The following LRPAP1 variants were observed in gnomAD, a reference collection of about 807,000 sequenced individuals.
LRPAP1 encodes alpha-2-macroglobulin receptor-associated protein.
Under a neutral mutation model 39.9 loss-of-function variants are expected in LRPAP1, and 41 were observed. That is an observed-to-expected ratio of 1.03 (90% CI 0.80 to 1.33). The LOEUF (loss-of-function observed/expected upper bound fraction) is 1.33, where lower values mean the gene tolerates loss of function less well. Ranked by LOEUF, LRPAP1 falls within the 40% of genes most tolerant of loss-of-function variation. The pLI, the probability that LRPAP1 is intolerant of heterozygous loss-of-function variation, is 0.00. For synonymous variants in LRPAP1, 263 were observed against 212.7 expected, an observed-to-expected ratio of 1.24 and a Z score of -2.06; for missense variants, 565 against 482.3, an observed-to-expected ratio of 1.17 and a Z score of -1.61.
intron 1 of LRPAP1, among the ~76,000 whole-genome samples, chr4:3,529,849 T>C (rs1383133951): frequency 2.0e-5 from 3 of 152,204 alleles, no homozygotes; most frequent in Non-Finnish European, 2.9e-5. Context: ...TGCCAGGATG[T>C]GGCTTTACAT....
chr4:3,520,206 G>A lies in LRPAP1; in HGVS notation c.350-13C>T, dbSNP rs766856955. 1 of 1,611,164 alleles carries A rather than the reference G, an allele frequency of 6.2e-7. No individual in the cohort carries two copies. The highest frequency in any genetic ancestry group is 8.5e-7 in the Non-Finnish European group (1 of 1,178,044). ...TTGGCCAAGATGACTAGGAGAGAGG[G>A]GAGGTTCTATTTGATATGGTTTCCT... On this transcript the variant is annotated splice_polypyrimidine_tract_variant and intron_variant, in intron 2 of 7. Transcript: ENST00000650182.
At chr4:3,530,919 C>T (rs1408331299) in intron 1 of LRPAP1, among the ~76,000 whole-genome samples, 3 of 152,078 alleles carry the variant, frequency 2.0e-5, no homozygotes, top group Non-Finnish European at 2.9e-5. Flanking sequence ...ATTTCGGGCT[C>T]CCCATTCCTC....
intron 2 of LRPAP1, among the ~76,000 whole-genome samples, chr4:3,523,906 G>C (rs1209284984): frequency 6.6e-6 from 1 of 152,152 alleles, no homozygotes; most frequent in Admixed American, 6.5e-5. Flanking sequence ...CTGTGAGACA[G>C]GAGGAGGAAA....
chr4:3,510,354 G>C lies in LRPAP1; in HGVS notation c.*2620C>G, dbSNP rs1729471033. On this transcript the variant is annotated 3_prime_UTR_variant, in exon 8 of 8. Coordinates refer to ENST00000650182, the MANE Select transcript of LRPAP1 (RefSeq NM_002337.4). ...GCTACTACTCAGGAGACTGAGGCGA[G>C]GGGATTGCTGGAGTATGGGAGGTCA... 6.6e-6 allele frequency: 1 copy of C among 152,270 alleles called. No individual in the cohort carries two copies. Among genetic ancestry groups the C allele is most frequent in the African/African-American group, 2.4e-5 (1 of 41,460 alleles). The allele number at this position is 152,270 out of a possible 1,614,324, so 9.4% of individuals were successfully genotyped here.
rs1249999788 is a variant in LRPAP1 at position 3,508,445 on chromosome 4, A to T, written c.*4529T>A. The T allele has an allele frequency of 6.6e-6, 1 of 152,260 alleles. No homozygotes were observed. The highest frequency in any genetic ancestry group is 1.5e-5 in the Non-Finnish European group (1 of 68,054). 9.4% of individuals were successfully genotyped at this position (152,260 alleles called of 1,614,324 possible). On this transcript the variant is annotated 3_prime_UTR_variant, in exon 8 of 8. Coordinates refer to ENST00000650182, the MANE Select transcript of LRPAP1 (RefSeq NM_002337.4). The stretch of plus-strand genomic sequence containing the variant: ...TACAAACTATGGCAGAACTTGTTTC[A>T]GGAGGCCCACTTAATGCAATATCAA...
chr4:3,517,812 C>G (rs1729765733), intron 5 of LRPAP1: 1 of 488,662 alleles, frequency 2.0e-6, no homozygotes. Context: ...CTGCCCTCTG[C>G]TAGTCTCCAG....
intron 7 of LRPAP1, 106 bp downstream of exon 7, chr4:3,514,646 C>T (rs1729633966): frequency 1.1e-5 from 15 of 1,380,706 alleles, no homozygotes; most frequent in South Asian, 6.9e-5. Context: ...AAGACAGCAG[C>T]GTGGGGCCCA....
chr4:3,513,688 G>A (rs1729605130), intron 7 of LRPAP1, among the ~76,000 whole-genome samples: 1 of 152,188 alleles, frequency 6.6e-6, no homozygotes, highest in African/African-American at 2.4e-5. Flanking sequence ...CTCAGGGCCT[G>A]GGAGGGAAGG....
intron 6 of LRPAP1, 31 bp from the exon 7 acceptor site, chr4:3,514,959 C>A (rs771626800): frequency 6.2e-7 from 1 of 1,607,556 alleles, no homozygotes; most frequent in East Asian, 2.2e-5. Context: ...GTGAGTGTTC[C>A]CTTCCCGTGC....
rs778503331 is a variant in LRPAP1 at position 3,518,992 on chromosome 4, C to G, written c.472-1G>C. On this transcript the variant is annotated splice_acceptor_variant, in intron 3 of 7. Transcript: ENST00000650182. LOFTEE classifies it high-confidence loss of function. ...CGGAGAATTTCCCAGAGGTCTTCGCCTAAGAGGGAAACAAGGCCTGGAGTG... is the reference window on the plus strand; with the variant it reads ...CGGAGAATTTCCCAGAGGTCTTCGCGTAAGAGGGAAACAAGGCCTGGAGTG... The G allele has an allele frequency of 6.8e-6, 11 of 1,613,176 alleles. No homozygotes were observed. The South Asian group carries it at 1.2e-4, about 18-fold the overall frequency.
At chr4:3,516,076 C>T in intron 6 of LRPAP1, 40 bp downstream of exon 6, 1 of 1,538,568 alleles carries the variant, frequency 6.5e-7, no homozygotes. Flanking sequence ...GAATCTTCAC[C>T]ACAGGAGAGA....
chr4:3,516,796 C>T (rs1358224367), intron 5 of LRPAP1, among the ~76,000 whole-genome samples: 3 of 152,332 alleles, frequency 2.0e-5, no homozygotes, highest in South Asian at 2.1e-4. Context: ...AGTCCAGAGC[C>T]GCCTGCCCAT....
rs576216854 is a variant in LRPAP1 at position 3,527,422 on chromosome 4, C to T, written c.205-2371G>A. On this transcript the variant is annotated intron_variant, in intron 1 of 7. Transcript: ENST00000650182. The stretch of plus-strand genomic sequence containing the variant: ...GAACTCTCAGGAGGGGCAGTCGGTG[C>T]CTCAGGAGGAGGGGGAGCCCACACC... 9.5e-4 allele frequency among the ~76,000 whole-genome samples: 145 copies of T among 151,902 alleles called. 1 individual carries two copies. The highest frequency in any genetic ancestry group is 3.4e-3 in the African/African-American group (140 of 41,536).
chr4:3,529,614 G>A (rs1421136941), intron 1 of LRPAP1, among the ~76,000 whole-genome samples: 1 of 152,186 alleles, frequency 6.6e-6, no homozygotes, highest in African/African-American at 2.4e-5. Flanking sequence ...AGTGGAGCCC[G>A]CCTGTGAAAG....
At chr4:3,513,060 G>C (rs1317121831) in intron 7 of LRPAP1, 24 bp from the exon 8 acceptor site, 1 of 1,595,504 alleles carries the variant, frequency 6.3e-7, no homozygotes, top group African/African-American at 1.3e-5. Context: ...CGTCTCATCA[G>C]CTGGGGACAG....
At chr4:3,528,131 C>A (rs374044756) in intron 1 of LRPAP1, among the ~76,000 whole-genome samples, 2 of 152,348 alleles carry the variant, frequency 1.3e-5, no homozygotes, top group African/African-American at 4.8e-5. Flanking sequence ...CCAGACCCCA[C>A]GTCTGGATTC....
rs1302642084 is a variant in LRPAP1, at chr4:3,531,965, C to G, written c.204+244G>C. Reference sequence around the variant, plus strand: ...GGCTGGGGAGGGCGACACTGACCCTCGGGGTGCCGGCCGCCACCTGCTTCA... The same window carrying G: ...GGCTGGGGAGGGCGACACTGACCCTGGGGGTGCCGGCCGCCACCTGCTTCA... On this transcript the variant is annotated intron_variant, in intron 1 of 7. Transcript: ENST00000650182. 52 of 567,424 alleles carry G rather than the reference C, an allele frequency of 9.2e-5. 2 individuals are homozygous for G. The highest frequency in any genetic ancestry group is 8.5e-4 in the South Asian group (40 of 47,230). The allele number at this position is 567,424 out of a possible 1,614,324, so 35.1% of individuals were successfully genotyped here.
intron 2 of LRPAP1, among the ~76,000 whole-genome samples, chr4:3,523,739 T>C (rs1729992206): frequency 6.6e-6 from 1 of 152,180 alleles, no homozygotes; most frequent in Non-Finnish European, 1.5e-5. Flanking sequence ...GGCGCTGCAA[T>C]GCCTGAGGCC....
At chr4:3,523,819 G>C (rs556464102) in intron 2 of LRPAP1, among the ~76,000 whole-genome samples, 2 of 152,302 alleles carry the variant, frequency 1.3e-5, no homozygotes, top group African/African-American at 4.8e-5. Flanking sequence ...CCACCCTCAC[G>C]ACAGCAACAA....
Sources: allele counts gnomAD v4.1 joint callset (sites outside exome capture counted in the v4.1 genomes callset), GRCh38; gene constraint gnomAD v4.1.1; transcripts MANE v1.5; gene names NCBI Gene and HGNC (gene_info 2026-07-23, HGNC 2026-07-21).